Variants in CSMD1 observed in about 807,000 individuals in gnomAD.
The protein encoded by CSMD1 is CUB and sushi domain-containing protein 1.
Under a neutral mutation model 417.5 loss-of-function variants are expected in CSMD1, and 213 were observed. The observed-to-expected ratio is 0.51, with a 90% CI of 0.46 to 0.57. CSMD1 has a LOEUF of 0.57. CSMD1 is among the 20% of genes least tolerant of loss of function. The pLI is 0.00. For synonymous variants in CSMD1, 2,862 were observed against 1,736.8 expected, an observed-to-expected ratio of 1.65 and a Z score of -16.11; for missense variants, 6,923 against 4,529.7, an observed-to-expected ratio of 1.53 and a Z score of -15.17.
intron 1 of CSMD1, among the ~76,000 whole-genome samples, chr8:4,973,886 G>A (rs1810392312): frequency 6.6e-6 from 1 of 152,088 alleles, no homozygotes; most frequent in South Asian, 2.1e-4. Flanking sequence ...AATCACACCT[G>A]GCTGAAAACA....
chr8:3,581,110 AG>A (rs1214168680), intron 9 of CSMD1, among the ~76,000 whole-genome samples: 1 of 152,194 alleles, frequency 6.6e-6, no homozygotes, highest in Admixed American at 6.5e-5. Flanking sequence ...AAAGTGCATT[AG>A]CATTAAAGAA....
chr8:3,932,325 A>G (rs1398143678), intron 5 of CSMD1, among the ~76,000 whole-genome samples: 8 of 150,632 alleles, frequency 5.3e-5, no homozygotes, highest in Admixed American at 5.3e-4. Context: ...CATGGTCTTT[A>G]AACTTTCCCC....
At chr8:4,348,717 T>A (rs974914001) in intron 3 of CSMD1, among the ~76,000 whole-genome samples, 2 of 152,044 alleles carry the variant, frequency 1.3e-5, no homozygotes, top group African/African-American at 4.8e-5. Flanking sequence ...ACCAGGAGAA[T>A]TTGATCTTCG....
At chr8:3,287,166 C>A (rs1319579307) in intron 25 of CSMD1, among the ~76,000 whole-genome samples, 7 of 148,556 alleles carry the variant, frequency 4.7e-5, no homozygotes, top group Non-Finnish European at 8.9e-5. Context: ...GGGCTCTGTT[C>A]TGTTCCATTG....
chr8:4,427,087 G>C (rs745592598), intron 2 of CSMD1, among the ~76,000 whole-genome samples: 2 of 152,046 alleles, frequency 1.3e-5, no homozygotes, highest in Non-Finnish European at 2.9e-5. Flanking sequence ...AGCACAGGTG[G>C]CTGTGGCTCC....
intron 49 of CSMD1, among the ~76,000 whole-genome samples, chr8:3,061,062 G>A (rs917086347): frequency 6.6e-6 from 1 of 152,162 alleles, no homozygotes; most frequent in Non-Finnish European, 1.5e-5. Context: ...TTTATAATAT[G>A]TTATAGAAAC....
intron 49 of CSMD1, among the ~76,000 whole-genome samples, chr8:3,072,114 G>C (rs576515279): frequency 1.3e-5 from 2 of 152,324 alleles, no homozygotes; most frequent in Non-Finnish European, 2.9e-5. Flanking sequence ...TCAAGAGTAA[G>C]AGTGAATGGC....
intron 3 of CSMD1, among the ~76,000 whole-genome samples, chr8:4,110,391 C>T (rs1801788811): frequency 6.6e-6 from 1 of 152,082 alleles, no homozygotes; most frequent in South Asian, 2.1e-4. Context: ...AGTCAGCCAG[C>T]AGAAAGAGTC....
chr8:3,341,723 C>A (rs1027941846), intron 23 of CSMD1, among the ~76,000 whole-genome samples: 1 of 152,152 alleles, frequency 6.6e-6, no homozygotes. Flanking sequence ...GGCAAGAGAA[C>A]TGGAAGAACG....
intron 5 of CSMD1, among the ~76,000 whole-genome samples, chr8:3,838,431 A>T (rs1192029597): frequency 1.3e-5 from 2 of 149,696 alleles, no homozygotes; most frequent in Non-Finnish European, 3.0e-5. Context: ...ATATAGAGGG[A>T]GTGTAAGAGT....
chr8:4,827,433 ACT>A (rs1485792931), intron 1 of CSMD1, among the ~76,000 whole-genome samples: 1 of 152,076 alleles, frequency 6.6e-6, no homozygotes, highest in Non-Finnish European at 1.5e-5. Context: ...CTCGACAGAA[ACT>A]CTCTTCTTTG....
chr8:4,344,550 G>A (rs927351856), intron 3 of CSMD1, among the ~76,000 whole-genome samples: 2 of 150,336 alleles, frequency 1.3e-5, no homozygotes, highest in African/African-American at 4.9e-5. Flanking sequence ...AGGTATATAA[G>A]AATATAAATA....
intron 67 of CSMD1, among the ~76,000 whole-genome samples, chr8:2,949,683 A>AGACAT (rs1336268555): frequency 1.3e-5 from 2 of 152,098 alleles, no homozygotes; most frequent in South Asian, 2.1e-4. Context: ...AGGGAACACA[A>AGACAT]ACGTATGAAT....
intron 3 of CSMD1, among the ~76,000 whole-genome samples, chr8:4,204,102 A>C (rs191411300): frequency 6.6e-6 from 1 of 152,274 alleles, no homozygotes; most frequent in East Asian, 1.9e-4. Context: ...CTCTGTCTCA[A>C]AACACAAAAC....
intron 1 of CSMD1, among the ~76,000 whole-genome samples, chr8:4,723,456 T>G (rs1272480839): frequency 1.3e-5 from 2 of 152,186 alleles, no homozygotes; most frequent in African/African-American, 4.8e-5. Flanking sequence ...ACCTGATACT[T>G]ATGATTCAAG....
chr8:3,372,134 G>A (rs964099802), intron 18 of CSMD1, among the ~76,000 whole-genome samples: 6 of 152,170 alleles, frequency 3.9e-5, no homozygotes, highest in African/African-American at 1.4e-4. Flanking sequence ...ATGGGATAGT[G>A]TGAGGCTTCT....
chr8:4,272,833 C>A (rs564745156), intron 3 of CSMD1, among the ~76,000 whole-genome samples: 1 of 152,176 alleles, frequency 6.6e-6, no homozygotes, highest in South Asian at 2.1e-4. Context: ...TTGTATCAGT[C>A]TTGATGAATA....
intron 3 of CSMD1, among the ~76,000 whole-genome samples, chr8:4,138,054 T>C (rs1803541603): frequency 2.4e-4 from 2 of 8,284 alleles, no homozygotes; most frequent in Admixed American, 1.4e-3. Context: ...ATTTTTTTTT[T>C]TTTTTTTTTT....
At chr8:3,416,107 C>G (rs1181491933) in intron 12 of CSMD1, among the ~76,000 whole-genome samples, 2 of 151,846 alleles carry the variant, frequency 1.3e-5, no homozygotes, top group African/African-American at 2.4e-5. Flanking sequence ...CGAGACCATC[C>G]TGGATAACAT....
Sources: allele counts gnomAD v4.1 joint callset (sites outside exome capture counted in the v4.1 genomes callset), GRCh38; gene constraint gnomAD v4.1.1; transcripts MANE v1.5; gene names NCBI Gene and HGNC (gene_info 2026-07-23, HGNC 2026-07-21).